The following ZNF823 variants were observed in gnomAD, a reference collection of about 807,000 sequenced individuals.
ZNF823 encodes the protein ZFP 36 for a zinc finger protein.
Under a neutral mutation model 11.4 loss-of-function variants are expected in ZNF823, and 5 were observed. That is an observed-to-expected ratio of 0.44 (90% CI 0.23 to 0.92). ZNF823 has a LOEUF of 0.92. ZNF823 is among the 40% of genes least tolerant of loss of function. ZNF823 has a pLI of 0.24. For missense variants in ZNF823, 582 were observed against 738.5 expected (o/e 0.79, Z 2.46); for synonymous variants, 234 against 250.5 (o/e 0.93, Z 0.62).
chr19:11,736,849 T>G lies in ZNF823; in HGVS notation c.3+1968A>C, dbSNP rs527858199. On this transcript the variant is annotated intron_variant, in intron 1 of 3. Coordinates refer to ENST00000341191, the MANE Select transcript of ZNF823 (RefSeq NM_001080493.4). The stretch of plus-strand genomic sequence containing the variant: ...AATTACCCTCCAAGGAGAAGCTCCC[T>G]CAATACCGCCAACCAGCTGGCTCAT... 5.1e-4 allele frequency among the ~76,000 whole-genome samples: 78 copies of G among 152,212 alleles called. 1 individual carries two copies. In the South Asian group the frequency reaches 0.016, roughly 31 times the overall value.
rs181958401 is a variant in ZNF823 at position 11,723,120 on chromosome 19, A to T, written c.414T>A (p.His138Gln). The T allele has an allele frequency of 8.2e-5, 132 of 1,614,098 alleles. No homozygotes were observed. In the East Asian group the frequency reaches 2.9e-3, roughly 35 times the overall value. Residue 138 changes from histidine (H) to glutamine (Q), a missense_variant, in exon 4 of 4, where the codon CAT becomes CAA. By Grantham distance (24) the His-to-Gln change is conservative. This residue lies in a region of ZNF823 where 429 missense variants were observed against 553.7 expected (regional missense o/e 0.77). Coordinates refer to ENST00000341191, the MANE Select transcript of ZNF823 (RefSeq NM_001080493.4). ...HQEYGEKPYTHKQRGKAISHQ... is the reference protein window; with the variant it reads ...HQEYGEKPYTQKQRGKAISHQ... Reference sequence around the variant, plus strand: ...GACTGATGGCTTTCCCACGTTGTTTATGTGTATATGGCTTCTCTCCATATT... The same window carrying T: ...GACTGATGGCTTTCCCACGTTGTTTTTGTGTATATGGCTTCTCTCCATATT...
At position 11,725,187 on chromosome 19, in the gene ZNF823, G is replaced by A; in HGVS notation, c.130+14C>T. ...TCTCTAATTGACTAAGTGAAGAGAT[G>A]ATGTCATCCTTACCTATACAGTCCA... On this transcript the variant is annotated intron_variant, in intron 2 of 3. Coordinates refer to ENST00000341191, the MANE Select transcript of ZNF823 (RefSeq NM_001080493.4). 1 of 1,606,358 alleles carries A rather than the reference G, an allele frequency of 6.2e-7. No individual in the cohort carries two copies. The highest frequency in any genetic ancestry group is 1.1e-5 in the South Asian group (1 of 89,586).
At chr19:11,725,780 G>A (rs1045171328) in intron 1 of ZNF823, among the ~76,000 whole-genome samples, 1 of 152,162 alleles carries the variant, frequency 6.6e-6, no homozygotes, top group Non-Finnish European at 1.5e-5. Context: ...AACAGAGGCT[G>A]AGTGTGCCTA....
At chr19:11,732,553 C>T (rs1974920147) in intron 1 of ZNF823, among the ~76,000 whole-genome samples, 1 of 151,748 alleles carries the variant, frequency 6.6e-6, no homozygotes. Flanking sequence ...CCCGCCTCAG[C>T]CTCCCAAAGT....
chr19:11,722,758 T>C lies in ZNF823; in HGVS notation c.776A>G (p.Asp259Gly). Residue 259 changes from aspartate (D) to glycine (G), a missense_variant, in exon 4 of 4, where the codon GAT (aspartate) becomes GGT (glycine). Transcript: ENST00000341191. This position sits in a 1 kb window ranked among gnomAD's most constrained non-coding sequence, Gnocchi z 5.2. ...ECKQCSKAFP[D>G]YSTYLRHERT... The stretch of plus-strand genomic sequence containing the variant: ...CTCATGTCTTAGATAGGTACTGTAA[T>C]CAGGAAAGGCTTTGGAACACTGCTT... 1.2e-6 allele frequency: 2 copies of C among 1,614,158 alleles called. No individual in the cohort carries two copies. The highest frequency in any genetic ancestry group is 1.7e-6 in the Non-Finnish European group (2 of 1,180,016).
chr19:11,738,930 G>A lies in ZNF823; in HGVS notation c.-111C>T, dbSNP rs1975047960. The A allele has an allele frequency of 7.1e-7, 1 of 1,407,214 alleles. No individual in the cohort carries two copies. Among genetic ancestry groups the A allele is most frequent in the Non-Finnish European group, 9.5e-7 (1 of 1,047,252 alleles). The allele number at this position is 1,407,214 out of a possible 1,614,324, so 87.2% of individuals were successfully genotyped here. A position where few individuals can be genotyped will look rare whatever the true frequency, so the allele number is the denominator to read the frequency against. On this transcript the variant is annotated 5_prime_UTR_variant, in exon 1 of 4. Transcript: ENST00000341191. Reference sequence around the variant, plus strand: ...CGTCTCTCTCTCAGCGCCAGAGCCAGGACTCAGAGCGCAGGGGCGTGGAGA... The same window carrying A: ...CGTCTCTCTCTCAGCGCCAGAGCCAAGACTCAGAGCGCAGGGGCGTGGAGA...
intron 1 of ZNF823, among the ~76,000 whole-genome samples, chr19:11,735,336 G>A (rs995191286): frequency 1.3e-5 from 2 of 148,436 alleles, no homozygotes; most frequent in African/African-American, 5.0e-5. Flanking sequence ...TGAGATTCTT[G>A]TAGATCTTAT....
At chr19:11,728,569 C>CAGTA (rs1974837686) in intron 1 of ZNF823, among the ~76,000 whole-genome samples, 1 of 152,058 alleles carries the variant, frequency 6.6e-6, no homozygotes, top group Non-Finnish European at 1.5e-5. Flanking sequence ...CTCCCAAAGC[C>CAGTA]AGTATAGCAT....
chr19:11,722,033 A>C lies in ZNF823; in HGVS notation c.1501T>G (p.Cys501Gly). 6.2e-7 allele frequency: 1 copy of C among 1,613,620 alleles called. No homozygotes were observed. Among genetic ancestry groups the C allele is most frequent in the Non-Finnish European group, 8.5e-7 (1 of 1,179,956 alleles). The change falls in exon 4 of 4, where the codon TGT becomes GGT. Residue 501 changes from cysteine to glycine, a missense_variant. Around this residue, in one of 3 missense-constraint regions of ZNF823, gnomAD observed 144 missense variants for 154.3 expected, o/e 0.93. Transcript: ENST00000341191. The surrounding 1 kb of genome is among the most constrained non-coding windows in gnomAD (Gnocchi z 5.2). ...RTHTVEKPYE[C>G]KTCRKAFSHF... The stretch of plus-strand genomic sequence containing the variant: ...CTGAAGGCTTTTCTACATGTTTTAC[A>C]CTCATAAGGTTTTTCTACTGTGTGG...
intron 1 of ZNF823, among the ~76,000 whole-genome samples, chr19:11,738,520 G>T (rs1975037434): frequency 6.6e-6 from 1 of 152,242 alleles, no homozygotes; most frequent in Admixed American, 6.5e-5. Flanking sequence ...ACCTGTGCCG[G>T]TTACAACTGC....
intron 1 of ZNF823, among the ~76,000 whole-genome samples, chr19:11,732,359 G>A (rs1185768874): frequency 6.6e-6 from 1 of 152,016 alleles, no homozygotes; most frequent in Non-Finnish European, 1.5e-5. Flanking sequence ...TAGAAACGGG[G>A]TTTCACCGTG....
chr19:11,738,902 G>C lies in ZNF823; in HGVS notation c.-83C>G, dbSNP rs1568472483. 2.6e-6 allele frequency: 4 copies of C among 1,525,742 alleles called. No individual in the cohort carries two copies. In the East Asian group the frequency reaches 7.3e-5, roughly 28 times the overall value. 94.5% of individuals were successfully genotyped at this position (1,525,742 alleles called of 1,614,324 possible). A position where few individuals can be genotyped will look rare whatever the true frequency, so the allele number is the denominator to read the frequency against. ...GACAGACGCTGATACAGACCTTCCA[G>C]GGCGTCTCTCTCTCAGCGCCAGAGC... On this transcript the variant is annotated 5_prime_UTR_variant, in exon 1 of 4. Transcript: ENST00000341191.
chr19:11,727,800 A>G (rs1387609946), intron 1 of ZNF823, among the ~76,000 whole-genome samples: 1 of 152,190 alleles, frequency 6.6e-6, no homozygotes, highest in Admixed American at 6.5e-5. Flanking sequence ...GAGACAGCAG[A>G]TCAGGTCTTA....
At chr19:11,734,804 G>A (rs978226319) in intron 1 of ZNF823, among the ~76,000 whole-genome samples, 1 of 152,150 alleles carries the variant, frequency 6.6e-6, no homozygotes. Flanking sequence ...CTCCCAAAGT[G>A]CTGGGATTAC....
chr19:11,723,848 A>G (rs1974741523), intron 3 of ZNF823, among the ~76,000 whole-genome samples: 1 of 152,198 alleles, frequency 6.6e-6, no homozygotes, highest in Non-Finnish European at 1.5e-5. Flanking sequence ...CCTGGCCCAC[A>G]TGGAGATTCT....
chr19:11,728,499 AAC>A (rs974472220), intron 1 of ZNF823, among the ~76,000 whole-genome samples: 93 of 152,358 alleles, frequency 6.1e-4, no homozygotes, highest in African/African-American at 2.2e-3. Context: ...GCAAATGAAT[AAC>A]AGTGTGTTAT....
At chr19:11,724,300 A>T (rs754998930) in intron 2 of ZNF823, 46 bp from the exon 3 acceptor site, 4 of 1,545,446 alleles carry the variant, frequency 2.6e-6, no homozygotes, top group Non-Finnish European at 2.6e-6. Context: ...TTACAAAATT[A>T]TAGAAAAACT....
Position 11,721,853 on chromosome 19 carries a change from C to T in ZNF823, c.1681G>A (p.Gly561Ser). 1.2e-6 allele frequency: 2 copies of T among 1,613,568 alleles called. No individual in the cohort carries two copies. Among genetic ancestry groups the T allele is most frequent in the Non-Finnish European group, 1.7e-6 (2 of 1,179,916 alleles). ...GEKPYECLQC[G>S]KAFTRSRFLR... The stretch of plus-strand genomic sequence containing the variant: ...AAACGGGAACGAGTGAAGGCTTTAC[C>T]ACATTGTAGACATTCATAGGGTTTC... The change falls in exon 4 of 4, where the codon GGT becomes AGT. Residue 561 changes from glycine to serine, a missense_variant. Gly to Ser is a moderately conservative substitution (Grantham distance 56). Transcript: ENST00000341191.
Position 11,723,052 on chromosome 19 carries a change from T to A in ZNF823, c.482A>T (p.Lys161Met). 1 of 1,614,246 alleles carries A rather than the reference T, an allele frequency of 6.2e-7. No individual in the cohort carries two copies. The highest frequency in any genetic ancestry group is 8.5e-7 in the Non-Finnish European group (1 of 1,180,040). Residue 161 changes from lysine (K) to methionine (M), a missense_variant, in exon 4 of 4, where the codon AAG becomes ATG. By Grantham distance (95) the Lys-to-Met change is moderately conservative. Transcript: ENST00000341191. ...ACATTCTTTACAATCGAAGGGTTTC[T>A]TTCCGGTGGGGGGCCTTTCATGTGT... is the stretch of plus-strand genomic sequence containing the variant. The part of the protein sequence containing the change: ...FQTHERPPTG[K>M]KPFDCKECAK...
Sources: gnomAD v4.1 joint callset for allele counts (sites outside exome capture counted in the v4.1 genomes callset) on GRCh38, gnomAD v4.1.1 for gene constraint, gnomAD v4.1.1 regional missense constraint, Gnocchi (gnomAD v3.1) non-coding constraint, MANE v1.5 for transcripts, NCBI Gene and HGNC (gene_info 2026-07-23, HGNC 2026-07-21) for gene names.